The following PCNX1 variants were observed in gnomAD, a reference collection of about 807,000 sequenced individuals.
PCNX1 encodes pecanex 1.
PCNX1 carries 78 observed loss-of-function variants against 242.2 expected under a neutral mutation model. That is an observed-to-expected ratio of 0.32 (90% CI 0.27 to 0.39). The LOEUF is 0.39. Among genes scored for constraint, PCNX1 ranks in the 10% least tolerant of loss-of-function variants. PCNX1 has a pLI of 1.00. For synonymous variants in PCNX1, 1,024 were observed against 1,032.9 expected (o/e 0.99, Z 0.17); for missense variants, 2,581 against 2,856.5 (o/e 0.90, Z 2.20).
intron 1 of PCNX1, among the ~76,000 whole-genome samples, chr14:70,938,974 C>G (rs1373136295): frequency 6.6e-6 from 1 of 152,000 alleles, no homozygotes; most frequent in Non-Finnish European, 1.5e-5. Context: ...TAGGTGGTGA[C>G]ATCCCCTTTA....
At chr14:70,946,163 C>G (rs1328314620) in intron 1 of PCNX1, among the ~76,000 whole-genome samples, 1 of 152,108 alleles carries the variant, frequency 6.6e-6, no homozygotes, top group Non-Finnish European at 1.5e-5. Flanking sequence ...TTCTTTTATT[C>G]TTTTTGTTTG....
chr14:71,033,483 T>G lies in PCNX1; in HGVS notation c.3613T>G (p.Leu1205Val), dbSNP rs1356641204. The change falls in exon 17 of 36, where the codon TTA becomes GTA. Residue 1205 changes from leucine (L) to valine (V), a missense_variant. Leu to Val is a conservative substitution (Grantham distance 32, BLOSUM62 1). Transcript: ENST00000304743. ...PVLFSIFCGLLVAVSYHLSRQ... is the reference protein window; with the variant it reads ...PVLFSIFCGLVVAVSYHLSRQ... ...ACTTTTCTCCATTTTTTGTGGTTTA[T>G]TAGTGGCAGTGTCTTACCATCTCAG... 2 of 1,610,682 alleles carry G rather than the reference T, an allele frequency of 1.2e-6. No individual in the cohort carries two copies. The highest frequency in any genetic ancestry group is 2.7e-5 in the African/African-American group (2 of 74,980).
intron 3 of PCNX1, among the ~76,000 whole-genome samples, chr14:70,965,131 T>C (rs1216439018): frequency 1.3e-5 from 2 of 152,178 alleles, no homozygotes; most frequent in Non-Finnish European, 2.9e-5. Flanking sequence ...TACTATTCTT[T>C]CCTTCACCTC....
chr14:71,114,303 T>C lies in PCNX1; in HGVS notation c.*4368T>C, dbSNP rs749972653. ...TTGTTTTTAATTTGGTTGATTGATA[T>C]GCACCCAGGCCGTCTTATTTTTACT... On this transcript the variant is annotated 3_prime_UTR_variant, in exon 36 of 36. Coordinates refer to ENST00000304743, the MANE Select transcript of PCNX1 (RefSeq NM_014982.3). 1.3e-5 allele frequency: 2 copies of C among 152,204 alleles called. No individual in the cohort carries two copies. Among genetic ancestry groups the C allele is most frequent in the African/African-American group, 2.4e-5 (1 of 41,452 alleles). 9.4% of individuals were successfully genotyped at this position (152,204 alleles called of 1,614,324 possible). A position where few individuals can be genotyped will look rare whatever the true frequency, so the allele number is the denominator to read the frequency against.
chr14:70,997,500 ATACT>A (rs2059386897), intron 8 of PCNX1, among the ~76,000 whole-genome samples: 1 of 152,190 alleles, frequency 6.6e-6, no homozygotes, highest in Admixed American at 6.5e-5. Flanking sequence ...ATTATTGAAA[ATACT>A]TACATATGAA....
Position 71,020,145 on chromosome 14 carries a change from T to G in PCNX1, c.3150+983T>G, listed in dbSNP as rs185496789. On this transcript the variant is annotated intron_variant, in intron 12 of 35. Transcript: ENST00000304743. Reference sequence around the variant, plus strand: ...TTTTATGGCTGCATAGTATTCCATGTTGTATATGTGCCACATTTTCTTTAT... The same window carrying G: ...TTTTATGGCTGCATAGTATTCCATGGTGTATATGTGCCACATTTTCTTTAT... 9.0e-3 allele frequency among the ~76,000 whole-genome samples: 1,364 copies of G among 152,250 alleles called. 11 individuals are homozygous for G. Among genetic ancestry groups the G allele is most frequent in the Non-Finnish European group, 0.012 (841 of 68,002 alleles).
intron 4 of PCNX1, among the ~76,000 whole-genome samples, chr14:70,968,541 T>A (rs1052226796): frequency 1.3e-5 from 2 of 152,210 alleles, no homozygotes; most frequent in Admixed American, 6.5e-5. Context: ...TTAGTGGGGT[T>A]CATGGAAAAC....
chr14:71,026,421 A>G (rs150922927), intron 14 of PCNX1, 133 bp downstream of exon 14: 4 of 538,150 alleles, frequency 7.4e-6, no homozygotes, highest in Non-Finnish European at 9.5e-6. Flanking sequence ...GCTCTGAGGA[A>G]CAAAGTGATA....
chr14:71,096,321 G>GA (rs904103015), intron 30 of PCNX1, among the ~76,000 whole-genome samples: 22 of 147,792 alleles, frequency 1.5e-4, no homozygotes, highest in Admixed American at 4.0e-4. Context: ...TGTCTCAAAA[G>GA]AAAAAAAAAA....
chr14:71,064,221 T>C (rs969734971), intron 26 of PCNX1, among the ~76,000 whole-genome samples: 2 of 152,210 alleles, frequency 1.3e-5, no homozygotes, highest in South Asian at 2.1e-4. Context: ...AAACAGAATA[T>C]CTCCTAGTAA....
chr14:70,972,057 C>A lies in PCNX1; in HGVS notation c.604+2947C>A, dbSNP rs540725512. Among the ~76,000 whole-genome samples the A allele has an allele frequency of 2.0e-5, 3 of 152,266 alleles. No individual in the cohort carries two copies. In the East Asian group the frequency reaches 5.8e-4, roughly 29 times the overall value. ...GACCTCACTCAGCAGATTATTGCAG[C>A]AATCCAGAACACAGATCAGAGTAGT... On this transcript the variant is annotated intron_variant, in intron 5 of 35. Coordinates refer to ENST00000304743, the MANE Select transcript of PCNX1 (RefSeq NM_014982.3).
chr14:70,918,385 C>T (rs1018023194), intron 1 of PCNX1, among the ~76,000 whole-genome samples: 4 of 152,094 alleles, frequency 2.6e-5, no homozygotes, highest in African/African-American at 9.7e-5. Context: ...CGTCTGTGGG[C>T]AAGGTTGATG....
chr14:71,055,606 G>A (rs775818436), intron 25 of PCNX1, 44 bp downstream of exon 25: 3 of 1,153,184 alleles, frequency 2.6e-6, no homozygotes, highest in African/African-American at 3.1e-5. Context: ...CTAAGGATTT[G>A]TTTTATATAT....
At chr14:71,062,513 T>C (rs758344771) in intron 26 of PCNX1, among the ~76,000 whole-genome samples, 1 of 151,864 alleles carries the variant, frequency 6.6e-6, no homozygotes, top group Non-Finnish European at 1.5e-5. Flanking sequence ...AAAAAAATTT[T>C]AAAAAAGCTT....
chr14:71,096,821 G>A (rs988418633), intron 30 of PCNX1, among the ~76,000 whole-genome samples: 1 of 152,214 alleles, frequency 6.6e-6, no homozygotes, highest in Non-Finnish European at 1.5e-5. Flanking sequence ...ATGTTGTAAA[G>A]AAGTGTTAGA....
At position 71,026,195 on chromosome 14, in the gene PCNX1, G is replaced by A; in HGVS notation, c.3262G>A (p.Gly1088Ser). 6.2e-7 allele frequency: 1 copy of A among 1,611,106 alleles called. No homozygotes were observed. Among genetic ancestry groups the A allele is most frequent in the Non-Finnish European group, 8.5e-7 (1 of 1,177,998 alleles). Residue 1088 changes from glycine to serine, a missense_variant, in exon 14 of 36, where the codon GGT (glycine) becomes AGT (serine). Transcript: ENST00000304743. ...CGGTCTTATTTGGCTCTTGGATTAT[G>A]GTAGCAGAAACCTGACTGCAACCAA... is the stretch of plus-strand genomic sequence containing the variant. ...CCGLIWLLDY[G>S]SRNLTATKFK...
chr14:71,069,777 C>G (rs1280403112), intron 26 of PCNX1, among the ~76,000 whole-genome samples: 3 of 152,196 alleles, frequency 2.0e-5, no homozygotes. Flanking sequence ...GATGGAGGGT[C>G]TTGCCCCGAT....
intron 8 of PCNX1, among the ~76,000 whole-genome samples, chr14:70,998,750 C>CAAAAAAAA (rs34044438): frequency 1.1e-4 from 10 of 89,050 alleles, no homozygotes; most frequent in South Asian, 3.7e-4. Flanking sequence ...GACCCTATCT[C>CAAAAAAAA]AAAAAAAAAA....
In PCNX1 at chr14:71,018,572, C is replaced by A. The variant is rs1305819809; in HGVS notation, c.2997-437C>A. Among the ~76,000 whole-genome samples, 4 of 152,014 alleles carry A rather than the reference C, an allele frequency of 2.6e-5. No individual in the cohort carries two copies. In the East Asian group the frequency reaches 7.7e-4, roughly 29 times the overall value. ...ATCAATTAGTGCCAGAATTTTGTTA[C>A]TATTTTGCCATATAACAAATGTTTT... On this transcript the variant is annotated intron_variant, in intron 11 of 35. Coordinates refer to ENST00000304743, the MANE Select transcript of PCNX1 (RefSeq NM_014982.3).
Sources: allele counts gnomAD v4.1 joint callset (sites outside exome capture counted in the v4.1 genomes callset), GRCh38; gene constraint gnomAD v4.1.1; transcripts MANE v1.5; gene names NCBI Gene and HGNC (gene_info 2026-07-23, HGNC 2026-07-21).